Variants in AUTS2 observed in about 807,000 individuals in gnomAD.
AUTS2 encodes activator of transcription and developmental regulator AUTS2.
AUTS2 carries 17 observed loss-of-function variants against 112.4 expected under a neutral mutation model. The ratio of observed to expected loss-of-function variants is 0.15; its 90% CI spans 0.10 to 0.23. The LOEUF (loss-of-function observed/expected upper bound fraction) is 0.23, where lower values mean the gene tolerates loss of function less well. AUTS2 is among the 10% of genes least tolerant of loss of function. The pLI is 1.00. For missense variants in AUTS2, 1,510 were observed against 1,701.6 expected (o/e 0.89, Z 1.98); for synonymous variants, 751 against 702.7 (o/e 1.07, Z -1.09).
intron 2 of AUTS2, among the ~76,000 whole-genome samples, chr7:70,099,637 C>A (rs1290152241): frequency 6.6e-6 from 1 of 152,050 alleles, no homozygotes; most frequent in Non-Finnish European, 1.5e-5. Flanking sequence ...AGCTCTGTGG[C>A]ATTTTTAAGG....
intron 6 of AUTS2, among the ~76,000 whole-genome samples, chr7:70,750,264 G>A (rs147731708): frequency 9.9e-5 from 15 of 152,248 alleles, no homozygotes; most frequent in South Asian, 6.2e-4. Context: ...ACTCGGGTGC[G>A]GAGAGTATGT....
chr7:70,548,736 C>G (rs1359834185), intron 5 of AUTS2, among the ~76,000 whole-genome samples: 2 of 152,122 alleles, frequency 1.3e-5, no homozygotes, highest in African/African-American at 4.8e-5. Flanking sequence ...TCTGGACTTT[C>G]ATTTCTATTC....
intron 6 of AUTS2, among the ~76,000 whole-genome samples, chr7:70,762,504 G>A (rs1418549408): frequency 1.3e-5 from 2 of 152,048 alleles, no homozygotes; most frequent in African/African-American, 4.8e-5. Flanking sequence ...CTGGGCTCAA[G>A]CAATCCTTCC....
At chr7:70,655,791 G>A (rs189238531) in intron 5 of AUTS2, among the ~76,000 whole-genome samples, 2 of 152,310 alleles carry the variant, frequency 1.3e-5, no homozygotes, top group African/African-American at 4.8e-5. Context: ...TGGGGGAGCA[G>A]CCAACCCAGG....
intron 1 of AUTS2, among the ~76,000 whole-genome samples, chr7:69,606,380 A>G (rs1562753761): frequency 6.6e-6 from 1 of 152,216 alleles, no homozygotes; most frequent in Non-Finnish European, 1.5e-5. Flanking sequence ...GAGATTTGGA[A>G]GCCTTTGGAC....
rs534387392 is a variant in AUTS2, at chr7:70,523,586, C to T, written c.690+87805C>T. On this transcript the variant is annotated intron_variant, in intron 5 of 18. Coordinates refer to ENST00000342771, the MANE Select transcript of AUTS2 (RefSeq NM_015570.4). The stretch of plus-strand genomic sequence containing the variant: ...TTGCAAACAAATCTAGACTCCTCTT[C>T]AGGAATCAGTTTGGGGGCGTCTAGG... Among the ~76,000 whole-genome samples, 6 of 152,310 alleles carry T rather than the reference C, an allele frequency of 3.9e-5. No homozygotes were observed. In the South Asian group the frequency reaches 1.2e-3, roughly 32 times the overall value.
rs143555472 is a variant in AUTS2 at position 70,031,763 on chromosome 7, G to T, written c.523-86369G>T. Among the ~76,000 whole-genome samples, 385 of 152,172 alleles carry T rather than the reference G, an allele frequency of 2.5e-3. 1 individual carries two copies. Among genetic ancestry groups the T allele is most frequent in the Middle Eastern group, 0.01 (3 of 294 alleles). On this transcript the variant is annotated intron_variant, in intron 2 of 18. Coordinates refer to ENST00000342771, the MANE Select transcript of AUTS2 (RefSeq NM_015570.4). ...CTGCTCCTGTTTCTGTGTATTCATCGAGTGAAACTGAAAATCAATTTATTT... is the reference window on the plus strand; with the variant it reads ...CTGCTCCTGTTTCTGTGTATTCATCTAGTGAAACTGAAAATCAATTTATTT...
intron 5 of AUTS2, among the ~76,000 whole-genome samples, chr7:70,639,922 T>G (rs1805725976): frequency 6.6e-6 from 1 of 152,174 alleles, no homozygotes; most frequent in Non-Finnish European, 1.5e-5. Context: ...GCAATCACAG[T>G]TGACAGAGGT....
chr7:70,135,268 C>G (rs564051579), intron 4 of AUTS2, among the ~76,000 whole-genome samples: 2 of 152,144 alleles, frequency 1.3e-5, no homozygotes, highest in African/African-American at 4.8e-5. Context: ...ATTCTCCTTT[C>G]TGGATTTAGT....
chr7:70,021,504 A>T (rs561786219), intron 2 of AUTS2, among the ~76,000 whole-genome samples: 1 of 152,280 alleles, frequency 6.6e-6, no homozygotes, highest in African/African-American at 2.4e-5. Context: ...GGCATCCTGA[A>T]TTCATCACTC....
At chr7:70,279,664 C>T (rs1044969018) in intron 4 of AUTS2, among the ~76,000 whole-genome samples, 12 of 152,304 alleles carry the variant, frequency 7.9e-5, no homozygotes, top group African/African-American at 2.4e-4. Context: ...ACTAAAATTA[C>T]GGAACTACTA....
At chr7:69,618,000 T>C (rs1414998223) in intron 1 of AUTS2, among the ~76,000 whole-genome samples, 1 of 152,224 alleles carries the variant, frequency 6.6e-6, no homozygotes, top group African/African-American at 2.4e-5. Context: ...GAGCTTTACA[T>C]GCATTAACAC....
chr7:70,218,189 C>G (rs1811274164), intron 4 of AUTS2, among the ~76,000 whole-genome samples: 1 of 152,218 alleles, frequency 6.6e-6, no homozygotes, highest in African/African-American at 2.4e-5. Context: ...ACTTCTAATT[C>G]CTCTAATTCA....
rs954392027 is a variant in AUTS2, at chr7:69,636,605, A to G, written c.309+36643A>G. ...TTTACAACCTAGTATTTTTCTTTCT[A>G]TACCTTTTCTGTATATGAGGGAATG... On this transcript the variant is annotated intron_variant, in intron 1 of 18. Coordinates refer to ENST00000342771, the MANE Select transcript of AUTS2 (RefSeq NM_015570.4). Among the ~76,000 whole-genome samples, 4 of 150,844 alleles carry G rather than the reference A, an allele frequency of 2.7e-5. 1 individual carries two copies. The highest frequency in any genetic ancestry group is 5.9e-5 in the Non-Finnish European group (4 of 67,948).
intron 1 of AUTS2, among the ~76,000 whole-genome samples, chr7:69,814,004 T>C (rs1276113119): frequency 6.6e-6 from 1 of 152,140 alleles, no homozygotes; most frequent in Non-Finnish European, 1.5e-5. Flanking sequence ...CCCAGGGCAA[T>C]TGGAACTTTG....
At chr7:70,653,299 A>G (rs1249565926) in intron 5 of AUTS2, among the ~76,000 whole-genome samples, 1 of 152,174 alleles carries the variant, frequency 6.6e-6, no homozygotes, top group African/African-American at 2.4e-5. Context: ...TGGAAACCTA[A>G]CCCTCAATAT....
chr7:70,632,552 C>T (rs571145145), intron 5 of AUTS2, among the ~76,000 whole-genome samples: 56 of 151,992 alleles, frequency 3.7e-4, no homozygotes, highest in African/African-American at 1.3e-3. Context: ...CGTTGAGCCA[C>T]GCAGGTTTCT....
At chr7:69,870,348 A>G (rs527949576) in intron 1 of AUTS2, among the ~76,000 whole-genome samples, 210 of 150,152 alleles carry the variant, frequency 1.4e-3, no homozygotes, top group African/African-American at 4.9e-3. Context: ...AATTATGTAG[A>G]TATTTAAGTT....
At chr7:69,975,182 ATGT>A (rs961448545) in intron 2 of AUTS2, among the ~76,000 whole-genome samples, 9 of 151,908 alleles carry the variant, frequency 5.9e-5, no homozygotes, top group African/African-American at 1.2e-4. Flanking sequence ...CCATTGAAAA[ATGT>A]TGTTCTCTTT....
Sources: allele counts gnomAD v4.1 joint callset (sites outside exome capture counted in the v4.1 genomes callset), GRCh38; gene constraint gnomAD v4.1.1; transcripts MANE v1.5; gene names NCBI Gene and HGNC (gene_info 2026-07-23, HGNC 2026-07-21).